Variants in CSMD3 observed in about 807,000 individuals in gnomAD.
CSMD3 encodes the protein CUB and sushi domain-containing protein 3.
A neutral mutation model predicts 435.2 loss-of-function variants in CSMD3; 177 were observed. That is an observed-to-expected ratio of 0.41 (90% CI 0.36 to 0.46). CSMD3 has a LOEUF of 0.46. CSMD3 is among the 20% of genes least tolerant of loss of function. CSMD3 has a pLI of 0.34. For synonymous variants in CSMD3, 1,656 were observed against 1,520.5 expected, an observed-to-expected ratio of 1.09 and a Z score of -2.07; for missense variants, 4,265 against 4,504.6, an observed-to-expected ratio of 0.95 and a Z score of 1.52.
rs188483588 is a variant in CSMD3 at position 112,245,287 on chromosome 8, A to G, written c.10223-714T>C. On this transcript the variant is annotated intron_variant, in intron 64 of 70. Transcript: ENST00000297405. ...TTATTTCATCGGTTTTATGTCTTAT[A>G]AAGACCATTCCTTTCTCCGTCAGAG... Among the ~76,000 whole-genome samples the G allele has an allele frequency of 7.5e-3, 1,148 of 152,188 alleles. 7 individuals are homozygous for G. Among genetic ancestry groups the G allele is most frequent in the Non-Finnish European group, 0.011 (763 of 68,016 alleles).
At chr8:112,527,481 C>A (rs569047156) in intron 27 of CSMD3, among the ~76,000 whole-genome samples, 125 of 151,914 alleles carry the variant, frequency 8.2e-4, no homozygotes, top group African/African-American at 2.2e-3. Flanking sequence ...AAATGTGAAA[C>A]TGCAGTGGGG....
rs1418122532 is a variant in CSMD3 at position 112,973,930 on chromosome 8, A to C, written c.1342+1907T>G. On this transcript the variant is annotated intron_variant, in intron 7 of 70. Transcript: ENST00000297405. ...GATGAATACATTAAAAATGTTTTCC[A>C]TATAATGTTTTACATCTACTTTGAA... is the stretch of plus-strand genomic sequence containing the variant. 2.6e-5 allele frequency among the ~76,000 whole-genome samples: 4 copies of C among 151,912 alleles called. No individual in the cohort carries two copies. The South Asian group carries it at 8.3e-4, about 31-fold the overall frequency.
intron 22 of CSMD3, among the ~76,000 whole-genome samples, chr8:112,620,586 T>C (rs1160109391): frequency 6.6e-6 from 1 of 152,078 alleles, no homozygotes; most frequent in Non-Finnish European, 1.5e-5. Context: ...GCTAAACCAG[T>C]TCCTGTTTTC....
intron 10 of CSMD3, among the ~76,000 whole-genome samples, chr8:112,920,916 T>TAC (rs1485965699): frequency 6.2e-4 from 91 of 145,768 alleles, no homozygotes; most frequent in South Asian, 1.7e-3. Flanking sequence ...TATATATATA[T>TAC]ATACACACAC....
chr8:113,313,147 C>T (rs2093883078), intron 2 of CSMD3: 1 of 152,026 alleles, frequency 6.6e-6, no homozygotes, highest in Admixed American at 6.6e-5. Context: ...ATGGCTAGAA[C>T]CGGCCTTACT....
intron 13 of CSMD3, among the ~76,000 whole-genome samples, chr8:112,771,822 TGAATA>T (rs1203752790): frequency 6.6e-6 from 1 of 151,910 alleles, no homozygotes; most frequent in African/African-American, 2.4e-5. Flanking sequence ...GTTCATGAAA[TGAATA>T]GGAATAGAAA....
At chr8:113,009,753 G>C (rs1356895480) in intron 6 of CSMD3, among the ~76,000 whole-genome samples, 1 of 151,714 alleles carries the variant, frequency 6.6e-6, no homozygotes, top group Non-Finnish European at 1.5e-5. Flanking sequence ...CATGCACTGA[G>C]TATTATGAAA....
chr8:112,353,880 C>A (rs1372483574), intron 38 of CSMD3, among the ~76,000 whole-genome samples: 3 of 152,054 alleles, frequency 2.0e-5, no homozygotes. Context: ...CAAAACACGG[C>A]AAAGACACAA....
At chr8:113,116,072 T>G (rs964737537) in intron 4 of CSMD3, among the ~76,000 whole-genome samples, 5 of 152,184 alleles carry the variant, frequency 3.3e-5, no homozygotes, top group Non-Finnish European at 5.9e-5. Context: ...AGAATGAAAT[T>G]TATGTGGCTT....
intron 6 of CSMD3, among the ~76,000 whole-genome samples, chr8:112,983,860 AAAGG>A (rs2085146834): frequency 6.6e-6 from 1 of 152,000 alleles, no homozygotes; most frequent in African/African-American, 2.4e-5. Context: ...GTTGACTGTG[AAAGG>A]GTTGCTGAGC....
chr8:113,200,487 C>G (rs1156774894), intron 3 of CSMD3, among the ~76,000 whole-genome samples: 1 of 151,700 alleles, frequency 6.6e-6, no homozygotes, highest in Non-Finnish European at 1.5e-5. Context: ...ATAATATCAT[C>G]CATGTCCTAA....
chr8:113,165,254 T>C (rs934844864), intron 4 of CSMD3, among the ~76,000 whole-genome samples: 1 of 152,170 alleles, frequency 6.6e-6, no homozygotes, highest in Non-Finnish European at 1.5e-5. Flanking sequence ...TCCTTCTACA[T>C]ATTGTGGAAT....
intron 22 of CSMD3, among the ~76,000 whole-genome samples, chr8:112,621,012 G>A (rs942485339): frequency 6.6e-5 from 10 of 152,146 alleles, no homozygotes; most frequent in South Asian, 2.1e-4. Context: ...CGAGGTGGGC[G>A]GATCACCTGA....
At chr8:112,298,037 T>C (rs533847993) in intron 53 of CSMD3, among the ~76,000 whole-genome samples, 27 of 131,294 alleles carry the variant, frequency 2.1e-4, no homozygotes, top group African/African-American at 7.4e-4. Flanking sequence ...GCACATTCTA[T>C]GCTAAAAATA....
intron 1 of CSMD3, among the ~76,000 whole-genome samples, chr8:113,378,644 T>C (rs1025987717): frequency 4.6e-5 from 7 of 152,194 alleles, no homozygotes; most frequent in African/African-American, 1.7e-4. Context: ...TATGAGAATG[T>C]CTACGTGCAA....
intron 5 of CSMD3, among the ~76,000 whole-genome samples, chr8:113,020,776 T>C (rs1168472245): frequency 1.3e-5 from 2 of 152,176 alleles, no homozygotes; most frequent in African/African-American, 4.8e-5. Context: ...GAATTACAAA[T>C]ATTCTCTCAC....
intron 33 of CSMD3, 83 bp from the exon 34 acceptor site, chr8:112,408,496 T>C: frequency 2.3e-6 from 2 of 886,894 alleles, no homozygotes; most frequent in Non-Finnish European, 3.8e-6. Flanking sequence ...TCTTACACTG[T>C]CATTTGAAAA....
At chr8:113,389,177 C>G (rs1200141250) in intron 1 of CSMD3, among the ~76,000 whole-genome samples, 3 of 151,536 alleles carry the variant, frequency 2.0e-5, no homozygotes, top group Non-Finnish European at 3.0e-5. Flanking sequence ...ATGGAATAGA[C>G]CAAGAACACA....
Position 113,205,133 on chromosome 8 carries a change from G to A in CSMD3, c.515-31217C>T, listed in dbSNP as rs146931504. On this transcript the variant is annotated intron_variant, in intron 3 of 70. Transcript: ENST00000297405. Reference sequence around the variant, plus strand: ...CAAGTAGCTAGGATTACATACACCCGTCACCCTGCCCGGCTAATTTTTGTA... The same window carrying A: ...CAAGTAGCTAGGATTACATACACCCATCACCCTGCCCGGCTAATTTTTGTA... 4.7e-3 allele frequency among the ~76,000 whole-genome samples: 713 copies of A among 151,950 alleles called. 8 individuals carry two copies. The highest frequency in any genetic ancestry group is 0.015 in the African/African-American group (641 of 41,464).
Sources: gnomAD v4.1 joint callset for allele counts (sites outside exome capture counted in the v4.1 genomes callset) on GRCh38, gnomAD v4.1.1 for gene constraint, MANE v1.5 for transcripts, NCBI Gene and HGNC (gene_info 2026-07-23, HGNC 2026-07-21) for gene names.